C10orf90: variants seen among roughly 807,000 people sequenced by gnomAD.
C10orf90 encodes the protein (E2-independent) E3 ubiquitin-conjugating enzyme FATS.
A neutral mutation model predicts 62.5 loss-of-function variants in C10orf90; 56 were observed. That is an observed-to-expected ratio of 0.90 (90% confidence interval 0.72 to 1.12). The LOEUF is 1.12. Among genes scored for constraint, C10orf90 ranks in the 50% most tolerant of loss-of-function variants. C10orf90 has a pLI of 0.00. For synonymous variants in C10orf90, 386 were observed against 340.4 expected, an observed-to-expected ratio of 1.13 and a Z score of -1.47; for missense variants, 970 against 880.4, an observed-to-expected ratio of 1.10 and a Z score of -1.29.
intron 2 of C10orf90, among the ~76,000 whole-genome samples, chr10:126,617,991 TA>T (rs1162877460): frequency 6.6e-6 from 1 of 152,192 alleles, no homozygotes; most frequent in Non-Finnish European, 1.5e-5. Context: ...TGAGTGCCCA[TA>T]ATGGATGAGG....
chr10:126,514,769 C>T (rs1224748213), intron 2 of C10orf90, among the ~76,000 whole-genome samples: 2 of 152,156 alleles, frequency 1.3e-5, no homozygotes, highest in Non-Finnish European at 2.9e-5. Context: ...GCCACAGCAC[C>T]GCCCTGCGCC....
chr10:126,653,404 C>A (rs372434731), intron 1 of C10orf90, among the ~76,000 whole-genome samples: 2 of 152,210 alleles, frequency 1.3e-5, no homozygotes, highest in African/African-American at 4.8e-5. Context: ...TCAACAATGT[C>A]CACAGAATCT....
chr10:126,627,395 T>G (rs2133824467), intron 2 of C10orf90, among the ~76,000 whole-genome samples: 1 of 152,256 alleles, frequency 6.6e-6, no homozygotes, highest in South Asian at 2.1e-4. Context: ...AAAACTTCAC[T>G]GTGGTCCATG....
rs144802528 is a variant in C10orf90 at position 126,644,188 on chromosome 10, C to T, written c.313+2377G>A. ...CCCCCACCTTAGATACTAAGCTCCT[C>T]TTTTTAATTTTCCATCAGCTGAGTT... is the stretch of plus-strand genomic sequence containing the variant. On this transcript the variant is annotated intron_variant, in intron 2 of 9. Transcript: ENST00000488181. Among the ~76,000 whole-genome samples the T allele has an allele frequency of 2.4e-4, 36 of 152,348 alleles. 1 individual carries two copies. The East Asian group carries it at 6.0e-3, about 25-fold the overall frequency.
At chr10:126,663,619 T>C (rs749493000) in intron 1 of C10orf90, among the ~76,000 whole-genome samples, 24 of 152,174 alleles carry the variant, frequency 1.6e-4, no homozygotes, top group Admixed American at 6.5e-5. Context: ...CACACTGTCC[T>C]CTCTGACTCA....
intron 4 of C10orf90, among the ~76,000 whole-genome samples, chr10:126,487,453 C>T (rs886088449): frequency 6.6e-6 from 1 of 152,164 alleles, no homozygotes; most frequent in Admixed American, 6.5e-5. Context: ...TAGCTGCCTT[C>T]TCCATAGCAA....
At chr10:126,439,803 G>A (rs1858184824) in intron 7 of C10orf90, among the ~76,000 whole-genome samples, 1 of 152,086 alleles carries the variant, frequency 6.6e-6, no homozygotes, top group Non-Finnish European at 1.5e-5. Context: ...AAGCTTATGG[G>A]ATTTATAGAA....
chr10:126,583,299 AT>A (rs1844791920), intron 2 of C10orf90, among the ~76,000 whole-genome samples: 1 of 152,214 alleles, frequency 6.6e-6, no homozygotes, highest in Non-Finnish European at 1.5e-5. Flanking sequence ...CAATGTAATA[AT>A]TTTTTATCTG....
chr10:126,601,992 A>G (rs571423624), intron 2 of C10orf90, among the ~76,000 whole-genome samples: 1 of 152,316 alleles, frequency 6.6e-6, no homozygotes, highest in Non-Finnish European at 1.5e-5. Flanking sequence ...CAAGTACCCT[A>G]CGTTAGGAAA....
At chr10:126,481,600 A>T (rs950451716) in intron 4 of C10orf90, among the ~76,000 whole-genome samples, 1 of 152,204 alleles carries the variant, frequency 6.6e-6, no homozygotes, top group South Asian at 2.1e-4. Flanking sequence ...CTGTGTCAGG[A>T]GGTTGTTGGA....
intron 2 of C10orf90, among the ~76,000 whole-genome samples, chr10:126,627,975 A>G (rs555137187): frequency 6.6e-6 from 1 of 152,306 alleles, no homozygotes; most frequent in East Asian, 1.9e-4. Flanking sequence ...ATATGAGAAA[A>G]CTTGCTTGTT....
chr10:126,573,296 T>C (rs1457009915), intron 2 of C10orf90, among the ~76,000 whole-genome samples: 2 of 152,200 alleles, frequency 1.3e-5, no homozygotes, highest in African/African-American at 4.8e-5. Context: ...TGCTTTTCCA[T>C]ACAATGTCCG....
chr10:126,466,073 C>A (rs893724991), intron 4 of C10orf90, among the ~76,000 whole-genome samples: 1 of 151,956 alleles, frequency 6.6e-6, no homozygotes. Flanking sequence ...ATGCCCTATA[C>A]GTTTTTTAAA....
chr10:126,540,191 T>A (rs1331154205), intron 2 of C10orf90, among the ~76,000 whole-genome samples: 2 of 152,102 alleles, frequency 1.3e-5, no homozygotes. Flanking sequence ...TATCATAAAA[T>A]TATAGTGGAG....
At chr10:126,455,882 C>A in intron 7 of C10orf90, among the ~76,000 whole-genome samples, 1 of 152,196 alleles carries the variant, frequency 6.6e-6, no homozygotes, top group East Asian at 1.9e-4. Flanking sequence ...CAGCGGGTCC[C>A]CTGACTCAAC....
At chr10:126,503,357 C>T (rs573272757) in intron 4 of C10orf90, among the ~76,000 whole-genome samples, 1 of 152,290 alleles carries the variant, frequency 6.6e-6, no homozygotes, top group Non-Finnish European at 1.5e-5. Flanking sequence ...CAGAAAATTG[C>T]TGCTGCTGCT....
Position 126,503,511 on chromosome 10 carries a change from T to C in C10orf90, c.1534+446A>G, listed in dbSNP as rs112727533. The stretch of plus-strand genomic sequence containing the variant: ...TTATGAAGCTTTGCAGTCTAGCTTT[T>C]ATATCAATGAGGCTAACTTGAAAAG... On this transcript the variant is annotated intron_variant, in intron 4 of 9. Coordinates refer to ENST00000488181, the MANE Select transcript of C10orf90 (RefSeq NM_001350921.2). Among the ~76,000 whole-genome samples, 1,241 of 152,332 alleles carry C rather than the reference T, an allele frequency of 8.1e-3. 24 individuals carry two copies. The highest frequency in any genetic ancestry group is 0.028 in the African/African-American group (1,166 of 41,564).
At chr10:126,463,060 C>T (rs938857081) in intron 5 of C10orf90, among the ~76,000 whole-genome samples, 1 of 151,654 alleles carries the variant, frequency 6.6e-6, no homozygotes, top group African/African-American at 2.4e-5. Context: ...TAACACTAGC[C>T]CCAACCCCCG....
chr10:126,540,896 C>T (rs932519384), intron 2 of C10orf90, among the ~76,000 whole-genome samples: 3 of 151,968 alleles, frequency 2.0e-5, no homozygotes, highest in Non-Finnish European at 4.4e-5. Context: ...GGAATATTTG[C>T]GTATAATATT....
Sources: allele counts gnomAD v4.1 joint callset (sites outside exome capture counted in the v4.1 genomes callset), GRCh38; gene constraint gnomAD v4.1.1; transcripts MANE v1.5; gene names NCBI Gene and HGNC (gene_info 2026-07-23, HGNC 2026-07-21).